Variants in SPAG9 observed in about 807,000 individuals in gnomAD.
SPAG9 encodes the protein C-Jun-amino-terminal kinase-interacting protein 4.
A neutral mutation model predicts 166.5 loss-of-function variants in SPAG9; 35 were observed. The ratio of observed to expected loss-of-function variants is 0.21; its 90% CI spans 0.16 to 0.28. SPAG9 has a LOEUF of 0.28. Among genes scored for constraint, SPAG9 ranks in the 10% least tolerant of loss-of-function variants. The pLI is 1.00. For synonymous variants in SPAG9, 534 were observed against 565.5 expected (o/e 0.94, Z 0.79); for missense variants, 1,235 against 1,603.3 (o/e 0.77, Z 3.92).
chr17:51,057,265 C>A (rs1688829835), intron 2 of SPAG9, among the ~76,000 whole-genome samples: 2 of 152,028 alleles, frequency 1.3e-5, no homozygotes, highest in African/African-American at 4.8e-5. Context: ...GGGAGACTGG[C>A]CAGACTGGAG....
At chr17:50,990,187 C>A in intron 20 of SPAG9, 1 of 516,420 alleles carries the variant, frequency 1.9e-6, no homozygotes, top group Non-Finnish European at 3.5e-6. Context: ...GCCACCACGC[C>A]CGGTTAATTT....
At chr17:51,088,339 A>T (rs2048355252) in intron 1 of SPAG9, among the ~76,000 whole-genome samples, 1 of 152,254 alleles carries the variant, frequency 6.6e-6, no homozygotes, top group South Asian at 2.1e-4. Context: ...ATTCTTAGAT[A>T]AAATAACATG....
chr17:51,099,737 T>C (rs2048747462), intron 1 of SPAG9, among the ~76,000 whole-genome samples: 1 of 133,898 alleles, frequency 7.5e-6, no homozygotes, highest in Non-Finnish European at 1.5e-5. Context: ...TTGACTCTGT[T>C]ATGAAAATAT....
At chr17:50,993,417 T>C (rs1975784364) in intron 19 of SPAG9, among the ~76,000 whole-genome samples, 1 of 151,498 alleles carries the variant, frequency 6.6e-6, no homozygotes, top group African/African-American at 2.4e-5. Context: ...TATTCCAACA[T>C]ATGGATATAT....
chr17:51,028,088 T>A (rs1258097327), intron 6 of SPAG9, among the ~76,000 whole-genome samples: 2 of 151,796 alleles, frequency 1.3e-5, no homozygotes, highest in African/African-American at 4.8e-5. Flanking sequence ...AAATTTTTTT[T>A]AAATAGATAA....
At chr17:51,104,082 T>C (rs992735366) in intron 1 of SPAG9, among the ~76,000 whole-genome samples, 2 of 152,172 alleles carry the variant, frequency 1.3e-5, no homozygotes, top group Non-Finnish European at 2.9e-5. Context: ...GATGGTAACC[T>C]GATTTCTGGC....
intron 2 of SPAG9, among the ~76,000 whole-genome samples, chr17:51,070,136 C>T (rs1323315046): frequency 6.6e-6 from 1 of 150,650 alleles, no homozygotes; most frequent in African/African-American, 2.4e-5. Flanking sequence ...TTAAGAAGTA[C>T]TCACTAAAAA....
intron 25 of SPAG9, among the ~76,000 whole-genome samples, chr17:50,981,562 G>GAATTGATATCTA (rs1974639001): frequency 6.6e-6 from 1 of 151,968 alleles, no homozygotes; most frequent in Non-Finnish European, 1.5e-5. Flanking sequence ...TAGATAGATA[G>GAATTGATATCTA]AATTGATATA....
chr17:50,999,700 G>A lies in SPAG9; in HGVS notation c.1625C>T (p.Pro542Leu). The A allele has an allele frequency of 6.2e-7, 1 of 1,612,610 alleles. No individual in the cohort carries two copies. The highest frequency in any genetic ancestry group is 1.1e-5 in the South Asian group (1 of 90,932). Reference protein sequence around the residue: ...TEMIRASRENPAMQEKKRSSI... With the variant: ...TEMIRASRENLAMQEKKRSSI... The stretch of plus-strand genomic sequence containing the variant: ...TGACCTTTTTTTTTCCTGCATGGCT[G>A]GATTTTCTCGTGATGCCCTACATTC... The change falls in exon 14 of 30, where the codon CCA (proline) becomes CTA (leucine). Residue 542 changes from proline (P) to leucine (L), a missense_variant. Around this residue, in one of 6 missense-constraint regions of SPAG9, gnomAD observed 125 missense variants for 194.0 expected, o/e 0.64. Transcript: ENST00000262013.
chr17:51,004,639 A>G (rs558031059), intron 12 of SPAG9, among the ~76,000 whole-genome samples: 3 of 152,294 alleles, frequency 2.0e-5, no homozygotes, highest in African/African-American at 7.2e-5. Flanking sequence ...CTGAGGCACA[A>G]GAATGGCTTG....
At chr17:51,044,977 T>C (rs1270705671) in intron 4 of SPAG9, among the ~76,000 whole-genome samples, 6 of 152,208 alleles carry the variant, frequency 3.9e-5, no homozygotes, top group African/African-American at 1.4e-4. Context: ...CACATATAAG[T>C]AACTGAAAAT....
chr17:51,084,598 G>A (rs1233683230), intron 1 of SPAG9, among the ~76,000 whole-genome samples: 2 of 151,952 alleles, frequency 1.3e-5, no homozygotes, highest in Non-Finnish European at 1.5e-5. Context: ...TAGTAGAGAC[G>A]GGGTTTCACC....
intron 9 of SPAG9, among the ~76,000 whole-genome samples, chr17:51,010,970 G>A (rs552832243): frequency 6.6e-6 from 1 of 152,164 alleles, no homozygotes; most frequent in East Asian, 1.9e-4. Context: ...GGACAGGAGC[G>A]CTGATACCTG....
intron 8 of SPAG9, chr17:51,014,711 A>G (rs1489762753): frequency 5.9e-6 from 1 of 169,154 alleles, no homozygotes; most frequent in Non-Finnish European, 1.3e-5. Context: ...CATTTCTCAC[A>G]GTGGCAAAAA....
chr17:51,037,693 T>TATATATATATATATA (rs1568028403), intron 5 of SPAG9, among the ~76,000 whole-genome samples: 3 of 89,892 alleles, frequency 3.3e-5, no homozygotes, highest in Admixed American at 1.2e-4. Context: ...ATAGTGTGTG[T>TATATATATATATATA]GTGTGTGTGT....
At chr17:51,057,958 A>G (rs1334221779) in intron 2 of SPAG9, among the ~76,000 whole-genome samples, 2 of 152,246 alleles carry the variant, frequency 1.3e-5, no homozygotes, top group Non-Finnish European at 2.9e-5. Context: ...CAAGCAAATT[A>G]TGGATATTTA....
intron 1 of SPAG9, among the ~76,000 whole-genome samples, chr17:51,087,108 TG>T (rs2144670248): frequency 6.6e-6 from 1 of 152,268 alleles, no homozygotes; most frequent in East Asian, 1.9e-4. Context: ...AACAAGTGAC[TG>T]GAAGTTTCTA....
chr17:51,096,008 T>TATATATATATAGTG lies in SPAG9; in HGVS notation c.304-16318_304-16305dup, dbSNP rs1253141084. Among the ~76,000 whole-genome samples the TATATATATATAGTG allele has an allele frequency of 9.6e-4, 69 of 71,616 alleles. 8 individuals are homozygous for TATATATATATAGTG. Among genetic ancestry groups the TATATATATATAGTG allele is most frequent in the African/African-American group, 3.7e-3 (65 of 17,418 alleles). The allele number at this position is 71,616 out of a possible 152,430, so 47.0% of individuals were successfully genotyped here. A position where few individuals can be genotyped will look rare whatever the true frequency, so the allele number is the denominator to read the frequency against. On this transcript the variant is annotated intron_variant, in intron 1 of 29. Coordinates refer to ENST00000262013, the MANE Select transcript of SPAG9 (RefSeq NM_001130528.3). ...ATATATAGTGATATATATATAGTGA[T>TATATATATATAGTG]ATATATATATAGTGATATATATATA...
chr17:51,046,405 C>T, intron 4 of SPAG9: 1 of 831,764 alleles, frequency 1.2e-6, no homozygotes, highest in Non-Finnish European at 1.8e-6. Flanking sequence ...TCCATTGTTT[C>T]AATCTGCAAC....
Sources: gnomAD v4.1 joint callset for allele counts (sites outside exome capture counted in the v4.1 genomes callset) on GRCh38, gnomAD v4.1.1 for gene constraint, gnomAD v4.1.1 regional missense constraint, MANE v1.5 for transcripts, NCBI Gene and HGNC (gene_info 2026-07-23, HGNC 2026-07-21) for gene names.